The following TFDP2 variants were observed in gnomAD, a reference collection of about 807,000 sequenced individuals.
The protein encoded by TFDP2 is transcription factor Dp-2 (E2F dimerization partner 2).
Under a neutral mutation model 59.3 loss-of-function variants are expected in TFDP2, and 17 were observed. The observed-to-expected ratio is 0.29, with a 90% CI of 0.20 to 0.43. The LOEUF (loss-of-function observed/expected upper bound fraction) is 0.43. TFDP2 is among the 20% of genes least tolerant of loss of function. The pLI is 1.00. For synonymous variants in TFDP2, 180 were observed against 194.7 expected, an observed-to-expected ratio of 0.92 and a Z score of 0.63; for missense variants, 391 against 528.8, an observed-to-expected ratio of 0.74 and a Z score of 2.56.
At chr3:142,145,856 G>A (rs1192024039) in intron 1 of TFDP2, among the ~76,000 whole-genome samples, 1 of 152,018 alleles carries the variant, frequency 6.6e-6, no homozygotes, top group Admixed American at 6.6e-5. Flanking sequence ...ATAAAATCTG[G>A]GTTTTAGTAA....
chr3:141,995,756 G>A lies in TFDP2; in HGVS notation c.187-615C>T, dbSNP rs375307590. 1.3e-3 allele frequency among the ~76,000 whole-genome samples: 203 copies of A among 151,832 alleles called. 2 individuals are homozygous for A. The South Asian group carries it at 0.033, about 25-fold the overall frequency. On this transcript the variant is annotated intron_variant, in intron 4 of 12. Coordinates refer to ENST00000489671, the MANE Select transcript of TFDP2 (RefSeq NM_001178139.2). ...AAATTAGCCAGGTATGGTGCTGTGC[G>A]CCTGTAATCCCAGCTACATGGGAGG... is the stretch of plus-strand genomic sequence containing the variant.
chr3:142,123,222 C>T (rs996593593), intron 1 of TFDP2, among the ~76,000 whole-genome samples: 1 of 152,220 alleles, frequency 6.6e-6, no homozygotes, highest in African/African-American at 2.4e-5. Context: ...GCAACCTCCA[C>T]CTCCTGGGTT....
intron 3 of TFDP2, among the ~76,000 whole-genome samples, chr3:142,086,973 T>C (rs1189716228): frequency 6.6e-6 from 1 of 152,190 alleles, no homozygotes; most frequent in Non-Finnish European, 1.5e-5. Flanking sequence ...TACAAAGGTC[T>C]TAGGAGTTCT....
chr3:142,130,976 G>A (rs2062483124), intron 1 of TFDP2, among the ~76,000 whole-genome samples: 1 of 147,142 alleles, frequency 6.8e-6, no homozygotes, highest in African/African-American at 2.6e-5. Flanking sequence ...TCGCTTGAAC[G>A]CAGGAGGCGG....
intron 1 of TFDP2, among the ~76,000 whole-genome samples, chr3:142,144,792 G>A (rs896275272): frequency 2.6e-5 from 4 of 152,108 alleles, no homozygotes; most frequent in Admixed American, 6.5e-5. Flanking sequence ...CGCCCACCTC[G>A]GCCTCCCAAA....
chr3:142,068,569 T>TC (rs1409466607), intron 3 of TFDP2, among the ~76,000 whole-genome samples: 1 of 147,342 alleles, frequency 6.8e-6, no homozygotes, highest in East Asian at 2.0e-4. Flanking sequence ...ATTTCTCACT[T>TC]TTTTTTTTTT....
chr3:142,144,320 G>A (rs2063080589), intron 1 of TFDP2, among the ~76,000 whole-genome samples: 1 of 151,762 alleles, frequency 6.6e-6, no homozygotes, highest in African/African-American at 2.4e-5. Context: ...GTTGCAGTGA[G>A]CCGAGATTGC....
chr3:142,128,987 T>A (rs1193068418), intron 1 of TFDP2, among the ~76,000 whole-genome samples: 2 of 152,008 alleles, frequency 1.3e-5, no homozygotes, highest in African/African-American at 4.8e-5. Flanking sequence ...AAATGCTGGA[T>A]AAATTAGTCT....
chr3:142,005,672 G>C, intron 3 of TFDP2, 128 bp from the exon 4 acceptor site: 1 of 584,406 alleles, frequency 1.7e-6, no homozygotes, highest in East Asian at 3.1e-5. Flanking sequence ...AGCATATTAT[G>C]AACAAAATAC....
chr3:141,980,117 C>T (rs1385265353), intron 6 of TFDP2, among the ~76,000 whole-genome samples: 1 of 151,438 alleles, frequency 6.6e-6, no homozygotes, highest in Non-Finnish European at 1.5e-5. Context: ...GTTGCCCAGG[C>T]TGCTCTTGAA....
At chr3:142,115,269 A>G (rs1280136890) in intron 1 of TFDP2, among the ~76,000 whole-genome samples, 1 of 151,726 alleles carries the variant, frequency 6.6e-6, no homozygotes, top group Non-Finnish European at 1.5e-5. Context: ...CTTCATTGTT[A>G]TCAGTTTGGT....
At chr3:142,011,843 A>T (rs990402778) in intron 3 of TFDP2, among the ~76,000 whole-genome samples, 2 of 152,072 alleles carry the variant, frequency 1.3e-5, no homozygotes, top group Non-Finnish European at 2.9e-5. Context: ...TGTTCCCTGC[A>T]CTCAAGGGAC....
intron 3 of TFDP2, among the ~76,000 whole-genome samples, chr3:142,072,800 A>G (rs933263507): frequency 6.6e-6 from 1 of 152,232 alleles, no homozygotes; most frequent in African/African-American, 2.4e-5. Context: ...AATCTAAATA[A>G]ATGATTGAAT....
At chr3:141,985,095 G>A (rs975565075) in intron 6 of TFDP2, among the ~76,000 whole-genome samples, 3 of 151,672 alleles carry the variant, frequency 2.0e-5, no homozygotes, top group Non-Finnish European at 4.4e-5. Flanking sequence ...AATAGTTCAG[G>A]ATGCTTATCT....
chr3:142,035,070 CTTTA>C (rs1353103489), intron 3 of TFDP2, among the ~76,000 whole-genome samples: 5 of 152,114 alleles, frequency 3.3e-5, no homozygotes, highest in African/African-American at 1.2e-4. Context: ...GGAGTGGTTC[CTTTA>C]TTTTTTTCTT....
chr3:142,067,043 T>A (rs531318396), intron 3 of TFDP2, among the ~76,000 whole-genome samples: 32 of 152,218 alleles, frequency 2.1e-4, no homozygotes, highest in Non-Finnish European at 2.5e-4. Context: ...AATCTACAGC[T>A]AAAATAATAC....
At chr3:142,134,947 A>G (rs981335267) in intron 1 of TFDP2, among the ~76,000 whole-genome samples, 2 of 152,142 alleles carry the variant, frequency 1.3e-5, no homozygotes, top group African/African-American at 4.8e-5. Flanking sequence ...TTCTGGCTCC[A>G]TATTCAATTT....
intron 3 of TFDP2, among the ~76,000 whole-genome samples, chr3:142,053,307 T>C (rs895530849): frequency 1.3e-5 from 2 of 152,128 alleles, no homozygotes; most frequent in African/African-American, 4.8e-5. Flanking sequence ...GTCATCCCTA[T>C]GGTAATGAGT....
chr3:142,084,273 G>A (rs558813432), intron 3 of TFDP2, among the ~76,000 whole-genome samples: 2 of 152,306 alleles, frequency 1.3e-5, no homozygotes, highest in African/African-American at 2.4e-5. Context: ...AAACTACAAT[G>A]AGATATCATC....
Sources: allele counts gnomAD v4.1 joint callset (sites outside exome capture counted in the v4.1 genomes callset), GRCh38; gene constraint gnomAD v4.1.1; transcripts MANE v1.5; gene names NCBI Gene and HGNC (gene_info 2026-07-23, HGNC 2026-07-21).